Variants in PCSK2 observed in about 807,000 individuals in gnomAD.
PCSK2 encodes neuroendocrine convertase 2.
PCSK2 carries 14 observed loss-of-function variants against 69.7 expected under a neutral mutation model. That is an observed-to-expected ratio of 0.20 (90% CI 0.13 to 0.31). PCSK2 has a LOEUF of 0.31. Ranked by LOEUF, PCSK2 falls within the 10% of genes least tolerant of loss-of-function variation. PCSK2 has a pLI of 1.00. For synonymous variants in PCSK2, 307 were observed against 320.7 expected, an observed-to-expected ratio of 0.96 and a Z score of 0.46; for missense variants, 544 against 842.5, an observed-to-expected ratio of 0.65 and a Z score of 4.39.
At chr20:17,304,793 G>T (rs1466195609) in intron 2 of PCSK2, among the ~76,000 whole-genome samples, 1 of 152,126 alleles carries the variant, frequency 6.6e-6, no homozygotes, top group Non-Finnish European at 1.5e-5. Context: ...GATAGCAAAA[G>T]TTTTTGCTTA....
chr20:17,398,952 A>G (rs371646555), intron 5 of PCSK2, among the ~76,000 whole-genome samples: 23 of 152,194 alleles, frequency 1.5e-4, no homozygotes, highest in African/African-American at 5.1e-4. Context: ...CATGAAGGCT[A>G]ATGAGACACC....
intron 2 of PCSK2, among the ~76,000 whole-genome samples, chr20:17,337,694 G>A (rs1457571864): frequency 6.6e-6 from 1 of 152,058 alleles, no homozygotes; most frequent in Non-Finnish European, 1.5e-5. Context: ...GGAGTCCGAT[G>A]CAGGAGGATC....
At chr20:17,401,328 T>C (rs992778306) in intron 5 of PCSK2, among the ~76,000 whole-genome samples, 13 of 152,300 alleles carry the variant, frequency 8.5e-5, no homozygotes, top group East Asian at 5.8e-4. Flanking sequence ...CCAGCAGATG[T>C]GGTGTCTGGT....
chr20:17,322,250 G>A (rs373894361), intron 2 of PCSK2, among the ~76,000 whole-genome samples: 1 of 152,132 alleles, frequency 6.6e-6, no homozygotes, highest in East Asian at 1.9e-4. Context: ...CACTTGTTGG[G>A]ACTGGAAAAG....
intron 2 of PCSK2, among the ~76,000 whole-genome samples, chr20:17,348,050 G>GAAAGGAAAGAAAGAAA (rs202080909): frequency 1.2e-5 from 1 of 86,826 alleles, no homozygotes; most frequent in Non-Finnish European, 2.5e-5. Flanking sequence ...AAGAAAGAAA[G>GAAAGGAAAGAAAGAAA]GAAAGAAAGA....
rs1180475041 is a variant in PCSK2 at position 17,483,528 on chromosome 20, C to G, written c.*1458C>G. The G allele has an allele frequency of 6.6e-6, 1 of 152,250 alleles. No individual in the cohort carries two copies. The highest frequency in any genetic ancestry group is 1.5e-5 in the Non-Finnish European group (1 of 68,076). 9.4% of individuals were successfully genotyped at this position (152,250 alleles called of 1,614,324 possible). A position where few individuals can be genotyped will look rare whatever the true frequency, so the allele number is the denominator to read the frequency against. ...TCTTCAGCCTCTCCAGGCACCATCT[C>G]CCTTCCTGTGGGAGCAGAGAGCTTA... On this transcript the variant is annotated 3_prime_UTR_variant, in exon 12 of 12. Transcript: ENST00000262545.
chr20:17,239,690 A>T (rs1191031503), intron 1 of PCSK2, among the ~76,000 whole-genome samples: 8 of 152,130 alleles, frequency 5.3e-5, no homozygotes, highest in Admixed American at 5.2e-4. Context: ...AAGGTCATTC[A>T]ACAAACATAT....
chr20:17,271,726 A>G (rs902804661), intron 2 of PCSK2, among the ~76,000 whole-genome samples: 9 of 152,116 alleles, frequency 5.9e-5, no homozygotes, highest in Non-Finnish European at 1.3e-4. Context: ...CACATCTACA[A>G]TTTTGAAGAA....
chr20:17,395,007 G>A (rs146707682), intron 5 of PCSK2, among the ~76,000 whole-genome samples: 1 of 152,244 alleles, frequency 6.6e-6, no homozygotes, highest in East Asian at 1.9e-4. Context: ...ACTTGGTCTT[G>A]TTCAAAGGTT....
At chr20:17,260,614 G>C (rs1193528140) in intron 2 of PCSK2, among the ~76,000 whole-genome samples, 3 of 152,162 alleles carry the variant, frequency 2.0e-5, no homozygotes, top group Non-Finnish European at 4.4e-5. Flanking sequence ...TTATTATTGG[G>C]TGAGGACTTC....
intron 11 of PCSK2, among the ~76,000 whole-genome samples, chr20:17,480,331 A>C (rs377464957): frequency 3.3e-5 from 5 of 151,538 alleles, no homozygotes; most frequent in East Asian, 3.9e-4. Flanking sequence ...CTGGGACTAC[A>C]GGCGCCCACC....
intron 2 of PCSK2, among the ~76,000 whole-genome samples, chr20:17,289,648 C>G (rs769260672): frequency 6.6e-6 from 1 of 152,080 alleles, no homozygotes; most frequent in South Asian, 2.1e-4. Flanking sequence ...TTACCCATAC[C>G]CAAAGCTAAA....
intron 8 of PCSK2, among the ~76,000 whole-genome samples, chr20:17,443,191 T>C (rs1485938507): frequency 6.6e-6 from 1 of 152,160 alleles, no homozygotes; most frequent in Non-Finnish European, 1.5e-5. Flanking sequence ...AAATGTCCAT[T>C]GCTACACTGT....
intron 5 of PCSK2, among the ~76,000 whole-genome samples, chr20:17,376,445 T>C (rs918372041): frequency 1.3e-5 from 2 of 152,222 alleles, no homozygotes; most frequent in East Asian, 3.8e-4. Flanking sequence ...CCTACAGTAC[T>C]TGAGGTGTAC....
intron 5 of PCSK2, among the ~76,000 whole-genome samples, chr20:17,375,805 G>A (rs2030908611): frequency 1.3e-5 from 2 of 152,160 alleles, no homozygotes; most frequent in Non-Finnish European, 1.5e-5. Context: ...GCTTTTCCAA[G>A]AATTCTTGAG....
intron 2 of PCSK2, among the ~76,000 whole-genome samples, chr20:17,332,655 C>T (rs2123154335): frequency 6.6e-6 from 1 of 152,234 alleles, no homozygotes; most frequent in Middle Eastern, 3.4e-3. Context: ...GAGTGGGGCC[C>T]AGCAATTTTT....
chr20:17,321,317 GAAGT>G (rs1415933311), intron 2 of PCSK2, among the ~76,000 whole-genome samples: 4 of 152,204 alleles, frequency 2.6e-5, no homozygotes, highest in Non-Finnish European at 5.9e-5. Flanking sequence ...TGCAGTGACA[GAAGT>G]ATGTAAGCAG....
In PCSK2 at chr20:17,365,416, C is replaced by T. The variant is rs2030556661; in HGVS notation, c.506-3824C>T. On this transcript the variant is annotated intron_variant, in intron 4 of 11. Coordinates refer to ENST00000262545, the MANE Select transcript of PCSK2 (RefSeq NM_002594.5). The stretch of plus-strand genomic sequence containing the variant: ...CATATATTTTAGAGGGACACAAACA[C>T]TCAAATCTCAGCATTTCACCCTGCC... 2.0e-5 allele frequency among the ~76,000 whole-genome samples: 3 copies of T among 152,126 alleles called. No homozygotes were observed. The South Asian group carries it at 6.2e-4, about 32-fold the overall frequency.
chr20:17,252,176 G>C (rs560652504), intron 1 of PCSK2, among the ~76,000 whole-genome samples: 2 of 152,224 alleles, frequency 1.3e-5, no homozygotes, highest in East Asian at 3.9e-4. Context: ...AGATGCAAGG[G>C]CTGGAATCAT....
Sources: allele counts gnomAD v4.1 joint callset (sites outside exome capture counted in the v4.1 genomes callset), GRCh38; gene constraint gnomAD v4.1.1; transcripts MANE v1.5; gene names NCBI Gene and HGNC (gene_info 2026-07-23, HGNC 2026-07-21).